The following WWC1 variants were observed in gnomAD, a reference collection of about 807,000 sequenced individuals.
WWC1 encodes protein KIBRA.
WWC1 carries 55 observed loss-of-function variants against 138.4 expected under a neutral mutation model. The ratio of observed to expected loss-of-function variants is 0.40; its 90% confidence interval spans 0.32 to 0.50. The LOEUF (loss-of-function observed/expected upper bound fraction) is 0.50, where lower values mean the gene tolerates loss of function less well. Ranked by LOEUF, WWC1 falls within the 20% of genes least tolerant of loss-of-function variation. The probability of loss-of-function intolerance (pLI) is 0.72; values close to 1 mark genes in which losing one functional copy is unlikely to be tolerated. For missense variants in WWC1, 1,226 were observed against 1,420.4 expected (o/e 0.86, Z 2.20); for synonymous variants, 524 against 564.9 (o/e 0.93, Z 1.03).
intron 1 of WWC1, among the ~76,000 whole-genome samples, chr5:168,345,593 T>C (rs1251873509): frequency 6.6e-6 from 1 of 152,246 alleles, no homozygotes; most frequent in Non-Finnish European, 1.5e-5. Context: ...TGACTTGGAT[T>C]GTACTTGCAT....
chr5:168,346,319 C>T (rs1774469326), intron 1 of WWC1, among the ~76,000 whole-genome samples: 1 of 152,188 alleles, frequency 6.6e-6, no homozygotes, highest in African/African-American at 2.4e-5. Flanking sequence ...AGCCCAGTGT[C>T]ACAGACTCAG....
intron 19 of WWC1, among the ~76,000 whole-genome samples, chr5:168,457,149 T>A (rs199715559): frequency 0.099 from 14,946 of 150,910 alleles, 1,298 homozygotes; most frequent in African/African-American, 0.23. Context: ...CATTTTTTTT[T>A]TTTTTTTTTT....
rs867691782 is a variant in WWC1 at position 168,452,291 on chromosome 5, A to G, written c.2526-1677A>G. Among the ~76,000 whole-genome samples, 72 of 152,296 alleles carry G rather than the reference A, an allele frequency of 4.7e-4. 1 individual carries two copies. Among genetic ancestry groups the G allele is most frequent in the African/African-American group, 1.6e-3 (67 of 41,548 alleles). Reference sequence around the variant, plus strand: ...TTAGGGGCTGATTTGTGTCCCCCCAAAATTCAAACATTGAAGCCCTAACCC... The same window carrying G: ...TTAGGGGCTGATTTGTGTCCCCCCAGAATTCAAACATTGAAGCCCTAACCC... On this transcript the variant is annotated intron_variant, in intron 17 of 22. Transcript: ENST00000265293.
chr5:168,442,566 G>A (rs1357188653), intron 16 of WWC1, among the ~76,000 whole-genome samples: 1 of 151,862 alleles, frequency 6.6e-6, no homozygotes, highest in African/African-American at 2.4e-5. Context: ...GCCGGGCGTG[G>A]TGACTCATGC....
intron 1 of WWC1, among the ~76,000 whole-genome samples, chr5:168,327,712 T>A (rs1474781186): frequency 6.6e-6 from 1 of 152,190 alleles, no homozygotes. Flanking sequence ...TGAAGAATGA[T>A]GAAAGGCCAG....
chr5:168,463,075 T>C (rs999428237), intron 20 of WWC1, among the ~76,000 whole-genome samples: 11 of 152,218 alleles, frequency 7.2e-5, no homozygotes, highest in Admixed American at 6.5e-4. Context: ...TTATACTGTG[T>C]CTGAAATCTC....
chr5:168,331,644 T>C (rs1230823880), intron 1 of WWC1, among the ~76,000 whole-genome samples: 1 of 152,266 alleles, frequency 6.6e-6, no homozygotes, highest in Non-Finnish European at 1.5e-5. Context: ...GCTTGCACCA[T>C]GCACAAATAA....
At chr5:168,319,346 G>C (rs1771868252) in intron 1 of WWC1, among the ~76,000 whole-genome samples, 2 of 152,170 alleles carry the variant, frequency 1.3e-5, no homozygotes, top group African/African-American at 4.8e-5. Flanking sequence ...CTTGAACCCA[G>C]GAGGCAGAGG....
intron 3 of WWC1, among the ~76,000 whole-genome samples, chr5:168,391,691 C>A: frequency 6.9e-6 from 1 of 144,822 alleles, no homozygotes; most frequent in Non-Finnish European, 1.5e-5. Context: ...TAAAAAATGC[C>A]AGTTGAATCA....
intron 1 of WWC1, among the ~76,000 whole-genome samples, chr5:168,301,364 A>G (rs930539120): frequency 2.0e-5 from 3 of 152,194 alleles, no homozygotes; most frequent in Admixed American, 6.5e-5. Flanking sequence ...GACTGGGTGC[A>G]GTGGCTGACA....
chr5:168,391,477 A>T (rs1778484626), intron 3 of WWC1, among the ~76,000 whole-genome samples: 3 of 151,898 alleles, frequency 2.0e-5, no homozygotes, highest in Non-Finnish European at 1.5e-5. Context: ...TGGCTAACAC[A>T]GTAAACTCCA....
intron 1 of WWC1, among the ~76,000 whole-genome samples, chr5:168,367,533 G>GTTAGCCAGGA (rs200033508): frequency 6.9e-6 from 1 of 144,136 alleles, no homozygotes; most frequent in Non-Finnish European, 1.5e-5. Flanking sequence ...GGGTTTCACC[G>GTTAGCCAGGA]TGGTCTCGAT....
intron 10 of WWC1, among the ~76,000 whole-genome samples, chr5:168,422,492 C>T (rs1781167952): frequency 6.6e-6 from 1 of 152,244 alleles, no homozygotes; most frequent in Non-Finnish European, 1.5e-5. Context: ...TGGTGCATGC[C>T]TGTGGTCCCA....
chr5:168,462,931 T>G (rs2152893572), intron 20 of WWC1, among the ~76,000 whole-genome samples: 1 of 152,350 alleles, frequency 6.6e-6, no homozygotes, highest in South Asian at 2.1e-4. Flanking sequence ...TTGATCCTGC[T>G]CATTTATAAG....
intron 20 of WWC1, 27 bp from the exon 21 acceptor site, chr5:168,464,702 C>A (rs758944268): frequency 6.2e-7 from 1 of 1,613,664 alleles, no homozygotes; most frequent in South Asian, 1.1e-5. Context: ...GCTCTAATAA[C>A]AAGAGAAGCC....
chr5:168,337,417 A>G (rs1159632965), intron 1 of WWC1, among the ~76,000 whole-genome samples: 1 of 152,092 alleles, frequency 6.6e-6, no homozygotes, highest in Admixed American at 6.5e-5. Context: ...ATGTCAAGAC[A>G]TTTCTGGTGG....
At chr5:168,304,360 G>A (rs1770364676) in intron 1 of WWC1, among the ~76,000 whole-genome samples, 1 of 152,178 alleles carries the variant, frequency 6.6e-6, no homozygotes, top group Non-Finnish European at 1.5e-5. Flanking sequence ...ATATTAAGAA[G>A]TGTCTTAATA....
chr5:168,421,912 A>C (rs1243524714), intron 9 of WWC1, 96 bp from the exon 10 acceptor site: 23 of 1,016,700 alleles, frequency 2.3e-5, no homozygotes, highest in Non-Finnish European at 3.5e-5. Flanking sequence ...TGCTTTACGG[A>C]AAGTTCTTGT....
At chr5:168,341,891 C>T (rs1774065797) in intron 1 of WWC1, among the ~76,000 whole-genome samples, 1 of 152,084 alleles carries the variant, frequency 6.6e-6, no homozygotes, top group Non-Finnish European at 1.5e-5. Flanking sequence ...ACCCCATTTC[C>T]CCAGGTGGGC....
Sources: allele counts gnomAD v4.1 joint callset (sites outside exome capture counted in the v4.1 genomes callset), GRCh38; gene constraint gnomAD v4.1.1; transcripts MANE v1.5; gene names NCBI Gene and HGNC (gene_info 2026-07-23, HGNC 2026-07-21).